TLE4: variants seen among roughly 807,000 people sequenced by gnomAD.
TLE4 encodes TLE family member 4, transcriptional corepressor, also known as transducin-like enhancer protein 4.
A neutral mutation model predicts 92.8 loss-of-function variants in TLE4; 8 were observed. The observed-to-expected ratio is 0.09, with a 90% CI of 0.05 to 0.16. The LOEUF (loss-of-function observed/expected upper bound fraction) is 0.16, where lower values mean the gene tolerates loss of function less well. Among genes scored for constraint, TLE4 ranks in the 10% least tolerant of loss-of-function variants. TLE4 has a pLI of 1.00. For missense variants in TLE4, 675 were observed against 997.6 expected (o/e 0.68, Z 4.36); for synonymous variants, 371 against 374.1 (o/e 0.99, Z 0.10).
chr9:79,720,232 T>C lies in TLE4; in HGVS notation c.1777T>C (p.Phe593Leu). The change falls in exon 16 of 20, where the codon TTC becomes CTC. Residue 593 changes from phenylalanine to leucine, a missense_variant. By Grantham distance (22) the Phe-to-Leu change is conservative (BLOSUM62 0). Transcript: ENST00000376552. ...CATCAGCCCCGATTCCAAGGTCTGC[T>C]TCTCATGCTGCAGCGACGGCAACAT... The part of the protein sequence containing the change: ...LAISPDSKVC[F>L]SCCSDGNIAV... The C allele has an allele frequency of 1.2e-6, 2 of 1,614,194 alleles. No individual in the cohort carries two copies. Among genetic ancestry groups the C allele is most frequent in the Non-Finnish European group, 1.7e-6 (2 of 1,180,030 alleles).
chr9:79,599,457 G>C (rs536404614), intron 4 of TLE4, among the ~76,000 whole-genome samples: 64 of 152,274 alleles, frequency 4.2e-4, no homozygotes, highest in Non-Finnish European at 7.9e-4. Flanking sequence ...AGGTCCACTA[G>C]TAATGCTGAT....
intron 4 of TLE4, among the ~76,000 whole-genome samples, chr9:79,585,431 A>C (rs942695495): frequency 2.0e-5 from 3 of 152,230 alleles, no homozygotes; most frequent in South Asian, 4.1e-4. Flanking sequence ...CACCATCAGC[A>C]TACTTACTAC....
chr9:79,680,693 C>G (rs1053232414), intron 8 of TLE4, among the ~76,000 whole-genome samples: 1 of 152,152 alleles, frequency 6.6e-6, no homozygotes, highest in Admixed American at 6.5e-5. Flanking sequence ...GAGGGCATCC[C>G]TGTCTTGTGC....
chr9:79,596,832 A>G (rs1437652654), intron 4 of TLE4, among the ~76,000 whole-genome samples: 3 of 152,186 alleles, frequency 2.0e-5, no homozygotes, highest in Admixed American at 6.5e-5. Flanking sequence ...AATGGAGTCC[A>G]GAATCATTTT....
intron 6 of TLE4, among the ~76,000 whole-genome samples, chr9:79,633,711 C>A (rs1018952142): frequency 1.3e-5 from 2 of 152,120 alleles, no homozygotes; most frequent in Non-Finnish European, 2.9e-5. Context: ...GGTTTTGTGT[C>A]ACTTTTGTAA....
chr9:79,706,669 T>G, intron 10 of TLE4, 78 bp from the exon 11 acceptor site: 1 of 1,519,962 alleles, frequency 6.6e-7, no homozygotes, highest in Non-Finnish European at 8.8e-7. Flanking sequence ...TGCTTTTGGC[T>G]AGAAATGTCC....
intron 4 of TLE4, among the ~76,000 whole-genome samples, chr9:79,585,914 G>T (rs755270860): frequency 6.6e-6 from 1 of 151,944 alleles, no homozygotes; most frequent in East Asian, 1.9e-4. Flanking sequence ...TTAGTAGGTG[G>T]TTTACAATTC....
chr9:79,668,962 G>A, intron 8 of TLE4: 2 of 418,478 alleles, frequency 4.8e-6, no homozygotes, highest in Non-Finnish European at 6.4e-6. Context: ...ACAACATAGT[G>A]TGACTGAAAA....
At chr9:79,602,312 G>A (rs1342905392) in intron 4 of TLE4, among the ~76,000 whole-genome samples, 1 of 152,208 alleles carries the variant, frequency 6.6e-6, no homozygotes, top group Non-Finnish European at 1.5e-5. Flanking sequence ...GGATAAGACA[G>A]CCTTCTATTG....
At chr9:79,705,844 T>C in intron 9 of TLE4, 45 bp from the exon 10 acceptor site, 2 of 1,598,380 alleles carry the variant, frequency 1.3e-6, no homozygotes, top group Non-Finnish European at 1.7e-6. Flanking sequence ...AAATGTGGTA[T>C]GTTTTGTGAG....
At chr9:79,704,647 T>C (rs1233465463) in intron 8 of TLE4, 136 bp from the exon 9 acceptor site, 26 of 1,162,792 alleles carry the variant, frequency 2.2e-5, no homozygotes, top group Non-Finnish European at 3.1e-5. Context: ...TCCTCCGCTT[T>C]CTCCTATCTC....
chr9:79,641,850 A>G (rs2057211664), intron 6 of TLE4, among the ~76,000 whole-genome samples: 1 of 152,066 alleles, frequency 6.6e-6, no homozygotes, highest in African/African-American at 2.4e-5. Flanking sequence ...CACCTAGGAG[A>G]TCACACATGT....
At chr9:79,661,702 T>C (rs2060548419) in intron 8 of TLE4, among the ~76,000 whole-genome samples, 1 of 152,244 alleles carries the variant, frequency 6.6e-6, no homozygotes, top group South Asian at 2.1e-4. Context: ...CATTGAATAC[T>C]TAGTTGTTTT....
At chr9:79,639,440 T>C (rs2056701176) in intron 6 of TLE4, among the ~76,000 whole-genome samples, 1 of 152,168 alleles carries the variant, frequency 6.6e-6, no homozygotes, top group Non-Finnish European at 1.5e-5. Context: ...GTAGCTGTCG[T>C]AACACCACAG....
At chr9:79,618,891 C>A (rs2050292937) in intron 5 of TLE4, among the ~76,000 whole-genome samples, 1 of 152,112 alleles carries the variant, frequency 6.6e-6, no homozygotes, top group East Asian at 1.9e-4. Flanking sequence ...CAATAGTTCT[C>A]TGATCATTAG....
chr9:79,648,935 G>A (rs184378825), intron 6 of TLE4, among the ~76,000 whole-genome samples: 7 of 152,218 alleles, frequency 4.6e-5, no homozygotes, highest in African/African-American at 1.7e-4. Flanking sequence ...AGGAGCAAAG[G>A]AGCTAAAGGA....
intron 5 of TLE4, among the ~76,000 whole-genome samples, chr9:79,614,835 A>G (rs1333378422): frequency 6.6e-6 from 1 of 152,074 alleles, no homozygotes; most frequent in East Asian, 1.9e-4. Flanking sequence ...TCGTTAGTGT[A>G]TTTTATGTGT....
chr9:79,687,092 C>T (rs569336404), intron 8 of TLE4, among the ~76,000 whole-genome samples: 1 of 152,334 alleles, frequency 6.6e-6, no homozygotes, highest in Admixed American at 6.5e-5. Flanking sequence ...GGAAGACACA[C>T]AGTAATTATA....
At chr9:79,642,888 G>T (rs925737822) in intron 6 of TLE4, among the ~76,000 whole-genome samples, 4 of 152,198 alleles carry the variant, frequency 2.6e-5, no homozygotes, top group African/African-American at 9.7e-5. Context: ...TTTAGCTTGA[G>T]AAGCTTATCC....
Sources: allele counts gnomAD v4.1 joint callset (sites outside exome capture counted in the v4.1 genomes callset), GRCh38; gene constraint gnomAD v4.1.1; transcripts MANE v1.5; gene names NCBI Gene and HGNC (gene_info 2026-07-23, HGNC 2026-07-21).